The following PCDHGA10 variants were observed in gnomAD, a reference collection of about 807,000 sequenced individuals.
PCDHGA10 encodes protocadherin gamma-A10.
A neutral mutation model predicts 59.5 loss-of-function variants in PCDHGA10; 42 were observed. That is an observed-to-expected ratio of 0.71 (90% CI 0.55 to 0.91). PCDHGA10 has a LOEUF of 0.91. PCDHGA10 is among the 40% of genes least tolerant of loss of function. The pLI is 0.00. For missense variants in PCDHGA10, 1,111 were observed against 1,198.2 expected, an observed-to-expected ratio of 0.93 and a Z score of 1.07; for synonymous variants, 511 against 517.2, an observed-to-expected ratio of 0.99 and a Z score of 0.16.
chr5:141,435,897 A>G (rs1206255678), intron 1 of PCDHGA10, among the ~76,000 whole-genome samples: 2 of 152,166 alleles, frequency 1.3e-5, no homozygotes, highest in East Asian at 1.9e-4. Context: ...TAGAGAATGA[A>G]AGACATCCAA....
Position 141,431,248 on chromosome 5 carries a change from G to A in PCDHGA10, c.2436+15637G>A. ...CCCACGCCTGGGATCCGGATATCGGGAAGAACTCTCTGCAGAGCTACGAGC... is the reference window on the plus strand; with the variant it reads ...CCCACGCCTGGGATCCGGATATCGGAAAGAACTCTCTGCAGAGCTACGAGC... On this transcript the variant is annotated intron_variant, in intron 1 of 3. Transcript: ENST00000398610. This position sits in a 1 kb window ranked among gnomAD's most constrained non-coding sequence, Gnocchi z 4.8. 2 of 1,614,140 alleles carry A rather than the reference G, an allele frequency of 1.2e-6. No homozygotes were observed. Among genetic ancestry groups the A allele is most frequent in the Non-Finnish European group, 1.7e-6 (2 of 1,180,048 alleles).
At chr5:141,421,080 C>G in intron 1 of PCDHGA10, 1 of 638,368 alleles carries the variant, frequency 1.6e-6, no homozygotes, top group South Asian at 2.1e-5. Flanking sequence ...GATGGATACT[C>G]ACAGATCCTG....
chr5:141,480,241 A>C (rs895691864), intron 1 of PCDHGA10, among the ~76,000 whole-genome samples: 58 of 97,306 alleles, frequency 6.0e-4, no homozygotes, highest in African/African-American at 2.2e-3. Context: ...CTGTCTCTAC[A>C]AAAAAAAAAA....
rs779391932 is a variant in PCDHGA10, at chr5:141,419,996, C to T, written c.2436+4385C>T. Reference sequence around the variant, plus strand: ...CCTCGCGGTGATTCTAGCTATTGCTCTACGCCTGCGACAGTCTTTCAGCCC... The same window carrying T: ...CCTCGCGGTGATTCTAGCTATTGCTTTACGCCTGCGACAGTCTTTCAGCCC... On this transcript the variant is annotated intron_variant, in intron 1 of 3. Coordinates refer to ENST00000398610, the MANE Select transcript of PCDHGA10 (RefSeq NM_018913.3). 10 of 1,613,966 alleles carry T rather than the reference C, an allele frequency of 6.2e-6. No homozygotes were observed. In the East Asian group the frequency reaches 2.2e-4, roughly 36 times the overall value.
Position 141,485,046 on chromosome 5 carries a change from G to A in PCDHGA10, c.2437-9761G>A. On this transcript the variant is annotated intron_variant, in intron 1 of 3. Transcript: ENST00000398610. This position sits in a 1 kb window ranked among gnomAD's most constrained non-coding sequence, Gnocchi z 5.7. ...AAAAACGGCGCGTAACCCTTGCGGCGCCGGCCGAACCGCGCCAGAGCTGGC... is the reference window on the plus strand; with the variant it reads ...AAAAACGGCGCGTAACCCTTGCGGCACCGGCCGAACCGCGCCAGAGCTGGC... 2 of 750,304 alleles carry A rather than the reference G, an allele frequency of 2.7e-6. No individual in the cohort carries two copies. The highest frequency in any genetic ancestry group is 4.5e-6 in the Non-Finnish European group (2 of 443,046). The allele number at this position is 750,304 out of a possible 1,614,324, so 46.5% of individuals were successfully genotyped here. A position where few individuals can be genotyped will look rare whatever the true frequency, so the allele number is the denominator to read the frequency against.
chr5:141,419,300 T>G (rs2096356436), intron 1 of PCDHGA10: 3 of 1,613,998 alleles, frequency 1.9e-6, no homozygotes, highest in Non-Finnish European at 2.5e-6. Context: ...TGACCCAGAC[T>G]TCGGGCTCAA....
intron 1 of PCDHGA10, among the ~76,000 whole-genome samples, chr5:141,459,534 T>G (rs980917458): frequency 1.3e-5 from 2 of 151,990 alleles, no homozygotes; most frequent in African/African-American, 2.4e-5. Flanking sequence ...TGTAGGCATA[T>G]TTTTTTTATT....
At chr5:141,437,741 CTT>C (rs35124340) in intron 1 of PCDHGA10, among the ~76,000 whole-genome samples, 17 of 141,612 alleles carry the variant, frequency 1.2e-4, no homozygotes, top group Admixed American at 2.1e-4. Flanking sequence ...TTGAGTTCAC[CTT>C]TTTTTTTTTT....
At chr5:141,427,440 G>A (rs747459662) in intron 1 of PCDHGA10, 1 of 477,484 alleles carries the variant, frequency 2.1e-6, no homozygotes, top group South Asian at 1.5e-5. Flanking sequence ...CCTCATAAAC[G>A]AAAGAGTTCC....
In PCDHGA10 at chr5:141,432,704, C is replaced by T; in HGVS notation, c.2436+17093C>T. ...GAGCCTCGTAGTGGCCGTCCAGGAC[C>T]ACGGCCAGCCCCCTCTCTCCGCCAC... is the stretch of plus-strand genomic sequence containing the variant. On this transcript the variant is annotated intron_variant, in intron 1 of 3. Coordinates refer to ENST00000398610, the MANE Select transcript of PCDHGA10 (RefSeq NM_018913.3). The surrounding 1 kb of genome is among the most constrained non-coding windows in gnomAD (Gnocchi z 6.0). The T allele has an allele frequency of 6.2e-7, 1 of 1,613,966 alleles. No homozygotes were observed. The highest frequency in any genetic ancestry group is 8.5e-7 in the Non-Finnish European group (1 of 1,179,976).
In PCDHGA10 at chr5:141,415,309, G is replaced by A. The variant is rs199689792; in HGVS notation, c.2134G>A (p.Val712Ile). ...GGTCTCCTGCGTCTTCCTGGCCTTC[G>A]TCATCGTGCTGCTGGCGCACAGGCT... is the stretch of plus-strand genomic sequence containing the variant. ...AAVSCVFLAF[V>I]IVLLAHRLRR... The change falls in exon 1 of 4, where the codon GTC becomes ATC. Residue 712 changes from valine to isoleucine, a missense_variant. Val to Ile is a conservative substitution (Grantham distance 29). Coordinates refer to ENST00000398610, the MANE Select transcript of PCDHGA10 (RefSeq NM_018913.3). 2.7e-5 allele frequency: 44 copies of A among 1,614,216 alleles called. No homozygotes were observed. In the Middle Eastern group the frequency reaches 8.2e-4, roughly 30 times the overall value.
In PCDHGA10 at chr5:141,415,350, G is replaced by C; in HGVS notation, c.2175G>C (p.Lys725Asn). ...CGCACAGGCTGCGGCGCTGGCACAAGTCACGCCTGCTGCAGGCTTCAGGAG... is the reference window on the plus strand; with the variant it reads ...CGCACAGGCTGCGGCGCTGGCACAACTCACGCCTGCTGCAGGCTTCAGGAG... ...LLAHRLRRWH[K>N]SRLLQASGGG... is the part of the protein sequence containing the mutation. Residue 725 changes from lysine to asparagine, a missense_variant, in exon 1 of 4, where the codon AAG becomes AAC. By Grantham distance (94) the Lys-to-Asn change is moderately conservative. Coordinates refer to ENST00000398610, the MANE Select transcript of PCDHGA10 (RefSeq NM_018913.3). 1 of 1,614,228 alleles carries C rather than the reference G, an allele frequency of 6.2e-7. No homozygotes were observed. Among genetic ancestry groups the C allele is most frequent in the Non-Finnish European group, 8.5e-7 (1 of 1,180,050 alleles).
At chr5:141,483,743 C>G (rs1360515518) in intron 1 of PCDHGA10, among the ~76,000 whole-genome samples, 2 of 152,022 alleles carry the variant, frequency 1.3e-5, no homozygotes, top group Non-Finnish European at 2.9e-5. Context: ...AAAGGATATT[C>G]CTGAGGATCG....
Position 141,486,316 on chromosome 5 carries a change from A to G in PCDHGA10, c.2437-8491A>G, listed in dbSNP as rs1251956899. The G allele has an allele frequency of 6.2e-7, 1 of 1,614,066 alleles. No individual in the cohort carries two copies. On this transcript the variant is annotated intron_variant, in intron 1 of 3. Transcript: ENST00000398610. This position sits in a 1 kb window ranked among gnomAD's most constrained non-coding sequence, Gnocchi z 5.0. ...GTGTGCAGGATCCAGACTCAGGGTC[A>G]AACGGAGATGTGAGCCTCCGCATTC...
chr5:141,487,069 T>C lies in PCDHGA10; in HGVS notation c.2437-7738T>C, dbSNP rs750739955. 26 of 1,614,160 alleles carry C rather than the reference T, an allele frequency of 1.6e-5. No homozygotes were observed. Among genetic ancestry groups the C allele is most frequent in the Non-Finnish European group, 2.0e-5 (24 of 1,180,002 alleles). On this transcript the variant is annotated intron_variant, in intron 1 of 3. Transcript: ENST00000398610. This position sits in a 1 kb window ranked among gnomAD's most constrained non-coding sequence, Gnocchi z 5.0. The stretch of plus-strand genomic sequence containing the variant: ...ATGCTGGGGAGGTGCGGACGGCTGT[T>C]CCTATCCCAGCTGACCTCCCACCAC...
chr5:141,510,553 A>C (rs1471878583), intron 3 of PCDHGA10, among the ~76,000 whole-genome samples: 1 of 152,162 alleles, frequency 6.6e-6, no homozygotes, highest in African/African-American at 2.4e-5. Context: ...TGTTTTGAGC[A>C]CTTACATCTA....
At chr5:141,415,647 A>C in intron 1 of PCDHGA10, 36 bp downstream of exon 1, 2 of 1,599,602 alleles carry the variant, frequency 1.3e-6, no homozygotes, top group Non-Finnish European at 1.7e-6. Context: ...TTGTTAAAAA[A>C]AAAAAGATTG....
intron 1 of PCDHGA10, among the ~76,000 whole-genome samples, chr5:141,430,329 T>G (rs1466381565): frequency 1.3e-5 from 2 of 151,776 alleles, no homozygotes; most frequent in Non-Finnish European, 2.9e-5. Flanking sequence ...AATCATTGTT[T>G]ATAGAAACTT....
intron 1 of PCDHGA10, chr5:141,418,727 C>T: frequency 6.2e-7 from 1 of 1,613,976 alleles, no homozygotes; most frequent in Non-Finnish European, 8.5e-7. Flanking sequence ...CAAAGCTCAG[C>T]ACGTGTTCTC....
Sources: gnomAD v4.1 joint callset for allele counts (sites outside exome capture counted in the v4.1 genomes callset) on GRCh38, gnomAD v4.1.1 for gene constraint, Gnocchi (gnomAD v3.1) non-coding constraint, MANE v1.5 for transcripts, NCBI Gene and HGNC (gene_info 2026-07-23, HGNC 2026-07-21) for gene names.